Variants in NR3C2 observed in about 807,000 individuals in gnomAD.
The protein encoded by NR3C2 is nuclear receptor subfamily 3 group C member 2, also known as mineralocorticoid receptor.
In NR3C2, 15 loss-of-function variants were observed where a neutral mutation model predicts 86.4. The ratio of observed to expected loss-of-function variants is 0.17; its 90% CI spans 0.12 to 0.27. The LOEUF is 0.27. NR3C2 is among the 10% of genes least tolerant of loss of function. The pLI, the probability that NR3C2 is intolerant of heterozygous loss-of-function variation, is 1.00. For missense variants in NR3C2, 960 were observed against 1,195.6 expected (o/e 0.80, Z 2.91); for synonymous variants, 458 against 450.5 (o/e 1.02, Z -0.21).
chr4:148,107,963 C>T (rs915907530), intron 8 of NR3C2, among the ~76,000 whole-genome samples: 2 of 152,160 alleles, frequency 1.3e-5, no homozygotes, highest in Non-Finnish European at 2.9e-5. Context: ...TGTATACCTA[C>T]ATAACAAACC....
At chr4:148,151,237 G>A (rs118052815) in intron 6 of NR3C2, among the ~76,000 whole-genome samples, 2,784 of 148,168 alleles carry the variant, frequency 0.019, 49 homozygotes, top group South Asian at 0.039. Flanking sequence ...AACGCTGAGG[G>A]CATTAATAGA....
chr4:148,241,981 T>C (rs1239576118), intron 3 of NR3C2, among the ~76,000 whole-genome samples: 1 of 152,132 alleles, frequency 6.6e-6, no homozygotes, highest in Non-Finnish European at 1.5e-5. Flanking sequence ...TTACATTAGG[T>C]ACCTAGAGAA....
Position 148,222,376 on chromosome 4 carries a change from T to C in NR3C2, c.1898-27514A>G, listed in dbSNP as rs116775302. Among the ~76,000 whole-genome samples the C allele has an allele frequency of 7.6e-3, 1,155 of 152,270 alleles. 10 individuals carry two copies. The highest frequency in any genetic ancestry group is 0.025 in the African/African-American group (1,030 of 41,554). Reference sequence around the variant, plus strand: ...CTCAAAAGCCTATTGATTTAATAAATGAGTTCAAAGCCCGCATTAGCCAAT... The same window carrying C: ...CTCAAAAGCCTATTGATTTAATAAACGAGTTCAAAGCCCGCATTAGCCAAT... On this transcript the variant is annotated intron_variant, in intron 3 of 8. Transcript: ENST00000358102.
chr4:148,212,605 C>T (rs566238715), intron 3 of NR3C2, among the ~76,000 whole-genome samples: 1 of 152,290 alleles, frequency 6.6e-6, no homozygotes, highest in South Asian at 2.1e-4. Flanking sequence ...GCCATTGTAT[C>T]ACCATATAAC....
Position 148,141,362 on chromosome 4 carries a change from A to T in NR3C2, c.2510+11107T>A, listed in dbSNP as rs189150265. On this transcript the variant is annotated intron_variant, in intron 6 of 8. Transcript: ENST00000358102. ...GGCAGGAGAATCACTTGAACCCAGG[A>T]GGCGGAGGTTGCACACACCAGTGCA... is the stretch of plus-strand genomic sequence containing the variant. 9.7e-3 allele frequency among the ~76,000 whole-genome samples: 1,470 copies of T among 151,970 alleles called. 8 individuals carry two copies. Among genetic ancestry groups the T allele is most frequent in the Admixed American group, 0.021 (313 of 15,256 alleles).
At chr4:148,115,935 G>T (rs1436906605) in intron 7 of NR3C2, among the ~76,000 whole-genome samples, 1 of 151,918 alleles carries the variant, frequency 6.6e-6, no homozygotes, top group Non-Finnish European at 1.5e-5. Context: ...AAAACAAAAA[G>T]AACAGTAATA....
At chr4:148,354,447 T>C (rs1023461502) in intron 2 of NR3C2, among the ~76,000 whole-genome samples, 1 of 152,140 alleles carries the variant, frequency 6.6e-6, no homozygotes. Context: ...CCCTAACCCT[T>C]GCATTATTCA....
chr4:148,351,073 C>A (rs1196956847), intron 2 of NR3C2, among the ~76,000 whole-genome samples: 1 of 118,934 alleles, frequency 8.4e-6, no homozygotes, highest in Non-Finnish European at 1.9e-5. Flanking sequence ...ATTTTTAACA[C>A]TTAAATAGTG....
intron 4 of NR3C2, among the ~76,000 whole-genome samples, chr4:148,161,637 G>A (rs1578957393): frequency 1.3e-5 from 2 of 152,082 alleles, no homozygotes; most frequent in Admixed American, 1.3e-4. Flanking sequence ...TAATGTGTGT[G>A]TAAAGCTATC....
At chr4:148,082,554 G>T (rs868617864) in intron 8 of NR3C2, among the ~76,000 whole-genome samples, 54 of 151,896 alleles carry the variant, frequency 3.6e-4, no homozygotes, top group Non-Finnish European at 4.4e-5. Flanking sequence ...TTTTCCCAGG[G>T]TCTTCACAAC....
chr4:148,111,856 G>A (rs1421149639), intron 8 of NR3C2, among the ~76,000 whole-genome samples: 1 of 152,156 alleles, frequency 6.6e-6, no homozygotes, highest in Non-Finnish European at 1.5e-5. Flanking sequence ...ATTGAAGGAA[G>A]GCTGGAGAAA....
chr4:148,442,849 C>G, upstream of NR3C2: 3 of 985,432 alleles, frequency 3.0e-6, no homozygotes, highest in Non-Finnish European at 3.6e-6. Context: ...TGCTCTCCTT[C>G]TGACCGACCC....
intron 8 of NR3C2, among the ~76,000 whole-genome samples, chr4:148,087,921 G>C (rs907674792): frequency 1.3e-5 from 2 of 152,178 alleles, no homozygotes; most frequent in African/African-American, 4.8e-5. Context: ...TATCATCAGA[G>C]TGAACAGGCA....
At position 148,275,910 on chromosome 4, in the gene NR3C2, GT is replaced by G. The variant is rs902453159; in HGVS notation, c.1758-15794del. 4.6e-5 allele frequency among the ~76,000 whole-genome samples: 7 copies of G among 151,754 alleles called. No homozygotes were observed. The East Asian group carries it at 7.8e-4, about 17-fold the overall frequency. On this transcript the variant is annotated intron_variant, in intron 2 of 8. Coordinates refer to ENST00000358102, the MANE Select transcript of NR3C2 (RefSeq NM_000901.5). ...ATAGGGAAAAGTATTTCAACTTAGG[GT>G]TTTTTTTAAAACAAACATAATGTAT...
chr4:148,160,505 T>C (rs1281550859), intron 4 of NR3C2, among the ~76,000 whole-genome samples: 1 of 152,194 alleles, frequency 6.6e-6, no homozygotes, highest in Non-Finnish European at 1.5e-5. Flanking sequence ...TCTTTAGTCT[T>C]AGAAATGGTA....
intron 2 of NR3C2, among the ~76,000 whole-genome samples, chr4:148,304,583 A>C (rs1316112683): frequency 1.3e-5 from 2 of 152,112 alleles, no homozygotes; most frequent in African/African-American, 2.4e-5. Context: ...CCATTTTCCC[A>C]AAACAGCACC....
intron 2 of NR3C2, among the ~76,000 whole-genome samples, chr4:148,405,241 T>C (rs994526929): frequency 9.2e-5 from 14 of 152,222 alleles, no homozygotes; most frequent in Non-Finnish European, 1.3e-4. Context: ...AAAAAGAGCA[T>C]TGGACATAGC....
At chr4:148,115,187 G>GT (rs1235066489) in intron 7 of NR3C2, among the ~76,000 whole-genome samples, 5 of 152,094 alleles carry the variant, frequency 3.3e-5, no homozygotes, top group Middle Eastern at 3.2e-3. Context: ...GCTAGCTTTC[G>GT]TATGTTTTAA....
chr4:148,176,462 T>G (rs1735378780), intron 4 of NR3C2, among the ~76,000 whole-genome samples: 1 of 152,170 alleles, frequency 6.6e-6, no homozygotes, highest in African/African-American at 2.4e-5. Flanking sequence ...GCATCTGGGA[T>G]GAACCCACCA....
Sources: gnomAD v4.1 joint callset for allele counts (sites outside exome capture counted in the v4.1 genomes callset) on GRCh38, gnomAD v4.1.1 for gene constraint, MANE v1.5 for transcripts, NCBI Gene and HGNC (gene_info 2026-07-23, HGNC 2026-07-21) for gene names.